The following MARCHF1 variants were observed in gnomAD, a reference collection of about 807,000 sequenced individuals.
MARCHF1 encodes the protein E3 ubiquitin-protein ligase MARCHF1.
MARCHF1 carries 40 observed loss-of-function variants against 54.2 expected under a neutral mutation model. The ratio of observed to expected loss-of-function variants is 0.74; its 90% CI spans 0.57 to 0.96. The LOEUF (loss-of-function observed/expected upper bound fraction) is 0.96. Among genes scored for constraint, MARCHF1 ranks in the 40% least tolerant of loss-of-function variants. The pLI, the probability that MARCHF1 is intolerant of heterozygous loss-of-function variation, is 0.00. For synonymous variants in MARCHF1, 236 were observed against 236.3 expected, an observed-to-expected ratio of 1.00 and a Z score of 0.01; for missense variants, 586 against 656.5, an observed-to-expected ratio of 0.89 and a Z score of 1.17.
chr4:163,801,379 GA>G (rs900869789), intron 4 of MARCHF1, among the ~76,000 whole-genome samples: 16 of 150,040 alleles, frequency 1.1e-4, no homozygotes, highest in Non-Finnish European at 2.1e-4. Context: ...ACCAGTTCTT[GA>G]AAAAAAAATC....
chr4:164,059,016 C>G (rs969983562), intron 2 of MARCHF1, among the ~76,000 whole-genome samples: 2 of 152,110 alleles, frequency 1.3e-5, no homozygotes, highest in African/African-American at 4.8e-5. Flanking sequence ...ATACCAACAG[C>G]CTTAACAGCT....
chr4:164,373,615 AAAG>A (rs919357292), intron 1 of MARCHF1, among the ~76,000 whole-genome samples: 2 of 152,058 alleles, frequency 1.3e-5, no homozygotes, highest in African/African-American at 4.8e-5. Context: ...TTGGCCTCCC[AAAG>A]TGCTAAGATT....
chr4:163,800,391 T>G (rs1302586108), intron 4 of MARCHF1, among the ~76,000 whole-genome samples: 1 of 151,978 alleles, frequency 6.6e-6, no homozygotes, highest in Non-Finnish European at 1.5e-5. Context: ...GGCACATGTG[T>G]TGTTCTTTCA....
At chr4:164,021,118 G>A (rs1753654141) in intron 2 of MARCHF1, among the ~76,000 whole-genome samples, 1 of 149,438 alleles carries the variant, frequency 6.7e-6, no homozygotes, top group South Asian at 2.1e-4. Flanking sequence ...AACACTGAGA[G>A]GCTGACTTCT....
At chr4:163,939,496 G>A (rs1003213146) in intron 3 of MARCHF1, among the ~76,000 whole-genome samples, 3 of 152,134 alleles carry the variant, frequency 2.0e-5, no homozygotes, top group Non-Finnish European at 4.4e-5. Flanking sequence ...TGGGTGGTCT[G>A]TGATAATCAC....
At chr4:163,943,699 T>C (rs1007195206) in intron 3 of MARCHF1, among the ~76,000 whole-genome samples, 6 of 149,888 alleles carry the variant, frequency 4.0e-5, no homozygotes, top group African/African-American at 1.5e-4. Context: ...GAGAGAAGTT[T>C]ACCTACGTAA....
At chr4:164,338,692 G>T (rs1047822301) in intron 1 of MARCHF1, among the ~76,000 whole-genome samples, 1 of 152,180 alleles carries the variant, frequency 6.6e-6, no homozygotes, top group Admixed American at 6.5e-5. Flanking sequence ...GTAAATTCAG[G>T]TTGGGTGCGG....
At chr4:163,798,912 C>G (rs941392224) in intron 4 of MARCHF1, among the ~76,000 whole-genome samples, 1 of 152,024 alleles carries the variant, frequency 6.6e-6, no homozygotes, top group Non-Finnish European at 1.5e-5. Flanking sequence ...TGTATAACTT[C>G]TAGCGCATGC....
chr4:164,173,999 T>TA (rs1730594710), intron 1 of MARCHF1, among the ~76,000 whole-genome samples: 1 of 152,220 alleles, frequency 6.6e-6, no homozygotes, highest in African/African-American at 2.4e-5. Context: ...AAAAGGTAAT[T>TA]ACTCTGTAGA....
At chr4:163,802,188 C>G (rs2110976752) in intron 4 of MARCHF1, among the ~76,000 whole-genome samples, 1 of 152,176 alleles carries the variant, frequency 6.6e-6, no homozygotes, top group African/African-American at 2.4e-5. Context: ...TTAGTGGTGA[C>G]ATTCTTAGTA....
At chr4:163,932,243 G>T (rs1751693376) in intron 3 of MARCHF1, among the ~76,000 whole-genome samples, 1 of 152,130 alleles carries the variant, frequency 6.6e-6, no homozygotes, top group Non-Finnish European at 1.5e-5. Context: ...AAGATTGGGT[G>T]TATGTGCCAA....
intron 1 of MARCHF1, among the ~76,000 whole-genome samples, chr4:164,186,692 T>C (rs1240540503): frequency 6.6e-6 from 1 of 152,212 alleles, no homozygotes; most frequent in Non-Finnish European, 1.5e-5. Context: ...CTCAGGGCAA[T>C]GTTGAGCTAT....
intron 1 of MARCHF1, among the ~76,000 whole-genome samples, chr4:164,181,226 C>T (rs994221620): frequency 6.6e-6 from 1 of 152,128 alleles, no homozygotes; most frequent in African/African-American, 2.4e-5. Flanking sequence ...ATACATTGGC[C>T]TCCTTTGACT....
At chr4:164,326,603 A>G (rs1735287174) in intron 1 of MARCHF1, among the ~76,000 whole-genome samples, 1 of 152,236 alleles carries the variant, frequency 6.6e-6, no homozygotes, top group African/African-American at 2.4e-5. Flanking sequence ...CAAAGTCACT[A>G]TAGGGAGCAA....
At chr4:163,813,296 C>T (rs1441453665) in intron 4 of MARCHF1, among the ~76,000 whole-genome samples, 2 of 152,204 alleles carry the variant, frequency 1.3e-5, no homozygotes, top group Non-Finnish European at 1.5e-5. Flanking sequence ...AATATTGACT[C>T]AACTCTCAGA....
At chr4:163,993,865 A>G (rs1463259117) in intron 2 of MARCHF1, among the ~76,000 whole-genome samples, 1 of 152,146 alleles carries the variant, frequency 6.6e-6, no homozygotes, top group Non-Finnish European at 1.5e-5. Context: ...GCTTGTGAAT[A>G]TAATTTAGGA....
At chr4:164,286,816 C>A (rs1455190673) in intron 1 of MARCHF1, among the ~76,000 whole-genome samples, 3 of 150,000 alleles carry the variant, frequency 2.0e-5, no homozygotes, top group African/African-American at 7.3e-5. Context: ...GAAACATACA[C>A]ATGATTTAAA....
chr4:164,068,371 C>T (rs996584009), intron 2 of MARCHF1, among the ~76,000 whole-genome samples: 1 of 152,170 alleles, frequency 6.6e-6, no homozygotes, highest in Non-Finnish European at 1.5e-5. Context: ...GAGCCGCCTC[C>T]CTCAGCTTGC....
At chr4:164,304,728 T>A (rs1210042510) in intron 1 of MARCHF1, among the ~76,000 whole-genome samples, 1 of 152,176 alleles carries the variant, frequency 6.6e-6, no homozygotes, top group Admixed American at 6.5e-5. Flanking sequence ...AACTTAAATA[T>A]CTACATGAAA....
Sources: allele counts gnomAD v4.1 joint callset (sites outside exome capture counted in the v4.1 genomes callset), GRCh38; gene constraint gnomAD v4.1.1; transcripts MANE v1.5; gene names NCBI Gene and HGNC (gene_info 2026-07-23, HGNC 2026-07-21).